The following CCDC186 variants were observed in gnomAD, a reference collection of about 807,000 sequenced individuals.
The protein encoded by CCDC186 is coiled-coil domain-containing protein 186.
Under a neutral mutation model 113.7 loss-of-function variants are expected in CCDC186, and 49 were observed. The observed-to-expected ratio is 0.43, with a 90% CI of 0.34 to 0.55. The LOEUF (loss-of-function observed/expected upper bound fraction) is 0.55. CCDC186 is among the 20% of genes least tolerant of loss of function. The pLI is 0.02. For missense variants in CCDC186, 890 were observed against 1,011.1 expected, an observed-to-expected ratio of 0.88 and a Z score of 1.62; for synonymous variants, 355 against 345.8, an observed-to-expected ratio of 1.03 and a Z score of -0.30.
chr10:114,173,243 C>A (rs1389007208), intron 1 of CCDC186: 1 of 454,866 alleles, frequency 2.2e-6, no homozygotes, highest in Admixed American at 2.4e-5. Context: ...GATGTTCTGA[C>A]TCGAAATCCA....
chr10:114,159,671 T>G lies in CCDC186; in HGVS notation c.633-1991A>C, dbSNP rs975606124. ...AAAAAAAAAAAAAAAAAAAGAATTTTAGGCTAGGCACAGTGGTGCATGCCT... is the reference window on the plus strand; with the variant it reads ...AAAAAAAAAAAAAAAAAAAGAATTTGAGGCTAGGCACAGTGGTGCATGCCT... On this transcript the variant is annotated intron_variant, in intron 2 of 15. Transcript: ENST00000369287. Among the ~76,000 whole-genome samples the G allele has an allele frequency of 6.0e-5, 9 of 150,556 alleles. No individual in the cohort carries two copies. In the East Asian group the frequency reaches 1.7e-3, roughly 29 times the overall value.
At chr10:114,140,664 A>G (rs1447939638) in intron 6 of CCDC186, among the ~76,000 whole-genome samples, 1 of 152,134 alleles carries the variant, frequency 6.6e-6, no homozygotes, top group Admixed American at 6.5e-5. Context: ...TTCTACTCCT[A>G]TGTTTTCAAG....
intron 11 of CCDC186, among the ~76,000 whole-genome samples, 161 bp from the exon 12 acceptor site, chr10:114,131,497 A>G (rs953226577): frequency 5.3e-5 from 8 of 152,122 alleles, no homozygotes; most frequent in Admixed American, 1.3e-4. Flanking sequence ...CAGTTCTCAT[A>G]TAGAAAAGCA....
At chr10:114,159,730 G>A (rs2032113519) in intron 2 of CCDC186, among the ~76,000 whole-genome samples, 1 of 151,864 alleles carries the variant, frequency 6.6e-6, no homozygotes, top group Non-Finnish European at 1.5e-5. Flanking sequence ...CAGTGTGGGT[G>A]GATAGCCTGA....
At chr10:114,164,448 G>A (rs2032276993) in intron 1 of CCDC186, among the ~76,000 whole-genome samples, 1 of 151,948 alleles carries the variant, frequency 6.6e-6, no homozygotes, top group Non-Finnish European at 1.5e-5. Flanking sequence ...TATTGTTTAT[G>A]GAGGTTACTA....
chr10:114,149,838 AAGGCAGGCAGGCAGGCAGGAAGGC>A (rs1189020756), intron 4 of CCDC186, among the ~76,000 whole-genome samples: 1 of 107,722 alleles, frequency 9.3e-6, no homozygotes, highest in African/African-American at 4.3e-5. Context: ...GGAAGGCAGG[AAGGCAGGCAGGCAGGCAGGAAGGC>A]AGGCAGGCAG....
At chr10:114,147,377 G>A (rs930977187) in intron 4 of CCDC186, among the ~76,000 whole-genome samples, 2 of 152,142 alleles carry the variant, frequency 1.3e-5, no homozygotes. Flanking sequence ...GAGTTGGCAG[G>A]AAGGGTAAAA....
In CCDC186 at chr10:114,134,914, T is replaced by G. The variant is rs2031206156; in HGVS notation, c.1654A>C (p.Arg552=). 6.2e-7 allele frequency: 1 copy of G among 1,607,748 alleles called. No homozygotes were observed. The highest frequency in any genetic ancestry group is 1.3e-5 in the African/African-American group (1 of 74,574). ...AAACAGAAGTTGCTCATTTTGTACC[T>G]TTGAAGCTGCTCCTGTAGCTGATCT... ...TADQLQEQLQ[R]GKQEIENLKE... The change falls in exon 10 of 16, where the codon AGA becomes CGA. Residue 552 remains arginine (R), a splice_region_variant and synonymous_variant. Coordinates refer to ENST00000369287, the MANE Select transcript of CCDC186 (RefSeq NM_018017.4).
chr10:114,164,098 GTGTGTA>G (rs1475223005), intron 1 of CCDC186, among the ~76,000 whole-genome samples: 22 of 122,480 alleles, frequency 1.8e-4, no homozygotes, highest in African/African-American at 5.3e-4. Flanking sequence ...GTGTGTGTGT[GTGTGTA>G]TATATATATA....
chr10:114,149,969 T>C (rs1025954283), intron 4 of CCDC186, among the ~76,000 whole-genome samples: 3 of 152,166 alleles, frequency 2.0e-5, no homozygotes, highest in Admixed American at 6.5e-5. Context: ...TGTATTTCCC[T>C]TCAATTGGTA....
chr10:114,150,575 T>TA (rs1022452056), intron 4 of CCDC186, among the ~76,000 whole-genome samples: 2 of 151,170 alleles, frequency 1.3e-5, no homozygotes, highest in African/African-American at 2.4e-5. Flanking sequence ...ATGTACAGAT[T>TA]AAAAAAAAAA....
chr10:114,127,220 A>G (rs1266904380), intron 14 of CCDC186, among the ~76,000 whole-genome samples: 1 of 152,232 alleles, frequency 6.6e-6, no homozygotes, highest in Non-Finnish European at 1.5e-5. Context: ...TTGTTTAAGT[A>G]TCTTAAAAAT....
At chr10:114,127,725 C>T (rs957038130) in intron 13 of CCDC186, 54 bp from the exon 14 acceptor site, 23 of 1,378,118 alleles carry the variant, frequency 1.7e-5, no homozygotes, top group Non-Finnish European at 2.3e-5. Context: ...CATCACCTCT[C>T]ATCTCATATA....
rs768320158 is a variant in CCDC186 at position 114,137,241 on chromosome 10, T to G, written c.1271A>C (p.Lys424Thr). The G allele has an allele frequency of 1.2e-6, 2 of 1,613,854 alleles. No homozygotes were observed. Among genetic ancestry groups the G allele is most frequent in the East Asian group, 4.5e-5 (2 of 44,878 alleles). ...TTTTCGTATCTGATCTGCTTCTTCC[T>G]TTGCTTGTGTTAATTTTGTTGTTGT... ...KETTTKLTQA[K>T]EEADQIRKNC... Residue 424 changes from lysine to threonine, a missense_variant, in exon 7 of 16, where the codon AAG (lysine) becomes ACG (threonine). Physicochemically the swap from Lys to Thr is moderately conservative, Grantham distance 78. Transcript: ENST00000369287.
At chr10:114,152,605 T>A (rs574843041) in intron 3 of CCDC186, among the ~76,000 whole-genome samples, 2 of 152,058 alleles carry the variant, frequency 1.3e-5, no homozygotes, top group South Asian at 4.2e-4. Context: ...AAAAAAGACA[T>A]GAAACATGGA....
rs544220874 is a variant in CCDC186 at position 114,162,950 on chromosome 10, T to C, written c.319A>G (p.Lys107Glu). The change falls in exon 2 of 16, where the codon AAA (lysine) becomes GAA (glutamate). Residue 107 changes from lysine to glutamate, a missense_variant. Transcript: ENST00000369287. ...ACTTTCTGTTCTGTTTCATTTGTTT[T>C]TGAAATATGTTTAGCAAAATTTCCA... is the stretch of plus-strand genomic sequence containing the variant. ...PSGNFAKHIS[K>E]TNETEQKVTQ... The C allele has an allele frequency of 8.1e-6, 13 of 1,613,208 alleles. No homozygotes were observed. Among genetic ancestry groups the C allele is most frequent in the Admixed American group, 1.7e-5 (1 of 59,896 alleles).
At chr10:114,151,736 G>A (rs2031863338) in intron 3 of CCDC186, among the ~76,000 whole-genome samples, 1 of 152,154 alleles carries the variant, frequency 6.6e-6, no homozygotes, top group African/African-American at 2.4e-5. Flanking sequence ...ACTGACTATG[G>A]CAGGACGACA....
chr10:114,167,848 T>C (rs567526769), intron 1 of CCDC186, among the ~76,000 whole-genome samples: 1 of 146,164 alleles, frequency 6.8e-6, no homozygotes, highest in African/African-American at 2.6e-5. Flanking sequence ...TAGCTGGGCA[T>C]GGTGGCATGC....
At chr10:114,171,524 C>T (rs1377949397) in intron 1 of CCDC186, among the ~76,000 whole-genome samples, 1 of 152,094 alleles carries the variant, frequency 6.6e-6, no homozygotes, top group Non-Finnish European at 1.5e-5. Flanking sequence ...ATACTCCAGC[C>T]TGGGTGACAG....
Sources: gnomAD v4.1 joint callset for allele counts (sites outside exome capture counted in the v4.1 genomes callset) on GRCh38, gnomAD v4.1.1 for gene constraint, MANE v1.5 for transcripts, NCBI Gene and HGNC (gene_info 2026-07-23, HGNC 2026-07-21) for gene names.